The following MKI67 variants were observed in gnomAD, a reference collection of about 807,000 sequenced individuals.
The protein encoded by MKI67 is marker of proliferation Ki-67.
Under a neutral mutation model 233.5 loss-of-function variants are expected in MKI67, and 152 were observed. That is an observed-to-expected ratio of 0.65 (90% CI 0.57 to 0.74). The LOEUF (loss-of-function observed/expected upper bound fraction) is 0.74. Among genes scored for constraint, MKI67 ranks in the 30% least tolerant of loss-of-function variants. The pLI is 0.00. For synonymous variants in MKI67, 1,465 were observed against 1,418.5 expected, an observed-to-expected ratio of 1.03 and a Z score of -0.74; for missense variants, 3,940 against 3,885.2, an observed-to-expected ratio of 1.01 and a Z score of -0.37.
chr10:128,123,270 G>T, intron 2 of MKI67, 101 bp from the exon 3 acceptor site: 1 of 826,306 alleles, frequency 1.2e-6, no homozygotes. Context: ...TGTTTGATCT[G>T]TAAATATGAC....
At chr10:128,113,789 T>A (rs139681246) in intron 7 of MKI67, among the ~76,000 whole-genome samples, 187 bp from the exon 8 acceptor site, 16 of 152,070 alleles carry the variant, frequency 1.1e-4, no homozygotes, top group Non-Finnish European at 1.8e-4. Context: ...ATTGCGGGAG[T>A]GGCCACTAAG....
chr10:128,106,712 G>A lies in MKI67; in HGVS notation c.5128C>T (p.Leu1710=), dbSNP rs772350801. 1.2e-6 allele frequency: 2 copies of A among 1,614,116 alleles called. No individual in the cohort carries two copies. The highest frequency in any genetic ancestry group is 1.7e-6 in the Non-Finnish European group (2 of 1,180,026). Residue 1710 remains leucine, a synonymous_variant, in exon 13 of 15, where the codon CTG becomes TTG. Transcript: ENST00000368654. Reference sequence around the variant, plus strand: ...TGGAAGAGCTCGATGAAGCCGGCCAGGTCTTCAGGGACTTCAGACTTTCCC... The same window carrying A: ...TGGAAGAGCTCGATGAAGCCGGCCAAGTCTTCAGGGACTTCAGACTTTCCC... The part of the protein sequence containing the change: ...PKGKSEVPED[L]AGFIELFQTP...
chr10:128,106,762 C>T lies in MKI67; in HGVS notation c.5078G>A (p.Ser1693Asn). The T allele has an allele frequency of 6.2e-7, 1 of 1,614,088 alleles. No individual in the cohort carries two copies. The highest frequency in any genetic ancestry group is 8.5e-7 in the Non-Finnish European group (1 of 1,180,034). The change falls in exon 13 of 15, where the codon AGC (serine) becomes AAC (asparagine). Residue 1693 changes from serine (S) to asparagine (N), a missense_variant. Physicochemically the swap from Ser to Asn is conservative, Grantham distance 46. Transcript: ENST00000368654. ...CTTAGGAGTTCTCAGCTGCCTCTTG[C>T]TGCCAGTTAGACTTGCTGCTGAGTC... is the stretch of plus-strand genomic sequence containing the variant. ...ILDSAASLTG[S>N]KRQLRTPKGK...
Position 128,105,212 on chromosome 10 carries a change from G to T in MKI67, c.6628C>A (p.Pro2210Thr). The change falls in exon 13 of 15, where the codon CCC becomes ACC. Residue 2210 changes from proline to threonine, a missense_variant. Coordinates refer to ENST00000368654, the MANE Select transcript of MKI67 (RefSeq NM_002417.5). ...TTGGTAGTTTTCTCATGAGTCGTGG[G>T]CTTGTCAGTGCATATTGGTGTCTGG... ...LFQTPICTDK[P>T]TTHEKTTKIA... 1 of 1,613,670 alleles carries T rather than the reference G, an allele frequency of 6.2e-7. No homozygotes were observed. Among genetic ancestry groups the T allele is most frequent in the Non-Finnish European group, 8.5e-7 (1 of 1,179,908 alleles).
In MKI67 at chr10:128,107,966, C is replaced by T. The variant is rs1028073192; in HGVS notation, c.3874G>A (p.Ala1292Thr). 1.9e-6 allele frequency: 3 copies of T among 1,613,698 alleles called. No individual in the cohort carries two copies. The highest frequency in any genetic ancestry group is 2.5e-6 in the Non-Finnish European group (3 of 1,179,990). The change falls in exon 13 of 15, where the codon GCA becomes ACA. Residue 1292 changes from alanine to threonine, a missense_variant. Ala to Thr is a moderately conservative substitution (Grantham distance 58, BLOSUM62 0). Coordinates refer to ENST00000368654, the MANE Select transcript of MKI67 (RefSeq NM_002417.5). The part of the protein sequence containing the change: ...LLACRNLMPS[A>T]GKAMHTPKPS... ...TTAGGCGTGTGCATGGCTTTGCCTG[C>T]TGATGGCATTAGATTCCTGCACGCT...
chr10:128,103,613 T>G lies in MKI67; in HGVS notation c.8227A>C (p.Thr2743Pro), dbSNP rs139981632. The G allele has an allele frequency of 5.9e-4, 945 of 1,614,234 alleles. No individual in the cohort carries two copies. Among genetic ancestry groups the G allele is most frequent in the Admixed American group, 1.8e-3 (110 of 60,034 alleles). Residue 2743 changes from threonine (T) to proline (P), a missense_variant, in exon 13 of 15, where the codon ACA becomes CCA. Transcript: ENST00000368654. ...TCCGTGGTTTCCCCTGATGTTTGTG[T>G]GAACTTGACTGCTGAAGGCTCTTCT... Reference protein sequence around the residue: ...VKEEPSAVKFTQTSGETTDAD... With the variant: ...VKEEPSAVKFPQTSGETTDAD...
At position 128,105,889 on chromosome 10, in the gene MKI67, G is replaced by A. The variant is rs1157292178; in HGVS notation, c.5951C>T (p.Pro1984Leu). The A allele has an allele frequency of 1.2e-6, 2 of 1,613,812 alleles. No individual in the cohort carries two copies. Among genetic ancestry groups the A allele is most frequent in the Non-Finnish European group, 1.7e-6 (2 of 1,179,994 alleles). The change falls in exon 13 of 15, where the codon CCA (proline) becomes CTA (leucine). Residue 1984 changes from proline to leucine, a missense_variant. By Grantham distance (98) the Pro-to-Leu change is moderately conservative. Transcript: ENST00000368654. ...TGGGGTTTTGACTGGGTCTGGTTGT[G>A]GAGATTTGCAGGATACTTCTGTGAT... ...DKITEVSCKS[P>L]QPDPVKTPTS... is the part of the protein sequence containing the mutation.
Position 128,101,012 on chromosome 10 carries a change from C to A in MKI67, c.9705+246G>T, listed in dbSNP as rs139472084. Among the ~76,000 whole-genome samples the A allele has an allele frequency of 3.9e-5, 6 of 152,316 alleles. No homozygotes were observed. In the East Asian group the frequency reaches 7.7e-4, roughly 20 times the overall value. The stretch of plus-strand genomic sequence containing the variant: ...ATTAGCCACTAGACAAATTCCTTTT[C>A]TTTCTGAAGAAAGTCTTCATAACGT... On this transcript the variant is annotated intron_variant, in intron 14 of 14. Coordinates refer to ENST00000368654, the MANE Select transcript of MKI67 (RefSeq NM_002417.5).
At chr10:128,118,571 A>G (rs775343534) in intron 5 of MKI67, among the ~76,000 whole-genome samples, 1 of 152,154 alleles carries the variant, frequency 6.6e-6, no homozygotes, top group East Asian at 1.9e-4. Flanking sequence ...GGCTCATCCT[A>G]AGCCTAAATC....
At chr10:128,111,448 C>A in intron 11 of MKI67, 197 bp downstream of exon 11, 1 of 541,420 alleles carries the variant, frequency 1.8e-6, no homozygotes, top group Non-Finnish European at 3.2e-6. Flanking sequence ...CATGTGATCC[C>A]AAAAATTAGC....
intron 14 of MKI67, 143 bp from the exon 15 acceptor site, chr10:128,099,398 AG>A: frequency 2.1e-6 from 1 of 487,726 alleles, no homozygotes; most frequent in Non-Finnish European, 3.5e-6. Context: ...GTTGGAAATA[AG>A]TTTTAAAATA....
Position 128,115,311 on chromosome 10 carries a change from AG to A in MKI67, c.1096del (p.Leu366CysfsTer10). The A allele has an allele frequency of 6.2e-7, 1 of 1,614,028 alleles. No homozygotes were observed. The highest frequency in any genetic ancestry group is 1.1e-5 in the South Asian group (1 of 91,078). ...AGATTCTCTTCTACCAGTAGTATAC[AG>A]GTCTTTGTTCTTATGTTTTTGTGGA... ...NSPQKHKNKD[L>X]YTTGRRESVN... On this transcript the variant is annotated frameshift_variant, in exon 7 of 15. Transcript: ENST00000368654. LOFTEE classifies it high-confidence loss of function.
intron 2 of MKI67, among the ~76,000 whole-genome samples, chr10:128,124,299 G>A (rs1207799145): frequency 2.0e-5 from 3 of 152,230 alleles, no homozygotes; most frequent in Non-Finnish European, 4.4e-5. Flanking sequence ...AATTTGTTTG[G>A]CAGGAGGACG....
chr10:128,113,537 G>A lies in MKI67; in HGVS notation c.1546C>T (p.Leu516=), dbSNP rs1305378311. 6.2e-7 allele frequency: 1 copy of A among 1,614,138 alleles called. No homozygotes were observed. Among genetic ancestry groups the A allele is most frequent in the Non-Finnish European group, 8.5e-7 (1 of 1,180,004 alleles). ...TTAGGAGGCAAGTTTTCATCAAATA[G>A]TTCAGGTCTTAGGTGCCCACCAAAG... The part of the protein sequence containing the change: ...VSFGGHLRPE[L]FDENLPPNTP... Residue 516 remains leucine, a synonymous_variant, in exon 8 of 15, where the codon CTA becomes TTA. Coordinates refer to ENST00000368654, the MANE Select transcript of MKI67 (RefSeq NM_002417.5).
At chr10:128,102,094 T>C (rs1194112179) in intron 13 of MKI67, among the ~76,000 whole-genome samples, 1 of 152,260 alleles carries the variant, frequency 6.6e-6, no homozygotes, top group Non-Finnish European at 1.5e-5. Context: ...TTGCCATTTC[T>C]GGAGTTTCCC....
At chr10:128,116,957 C>T (rs951263889) in intron 5 of MKI67, among the ~76,000 whole-genome samples, 2 of 152,112 alleles carry the variant, frequency 1.3e-5, no homozygotes, top group Admixed American at 6.6e-5. Flanking sequence ...CCAAACCACT[C>T]GTATATGACT....
In MKI67 at chr10:128,104,461, G is replaced by T; in HGVS notation, c.7379C>A (p.Thr2460Lys). The change falls in exon 13 of 15, where the codon ACA (threonine) becomes AAA (lysine). Residue 2460 changes from threonine to lysine, a missense_variant. Coordinates refer to ENST00000368654, the MANE Select transcript of MKI67 (RefSeq NM_002417.5). ...TEESMTDDKITEVSCKSPQPE... is the reference protein window; with the variant it reads ...TEESMTDDKIKEVSCKSPQPE... The stretch of plus-strand genomic sequence containing the variant: ...CTGTGGAGATTTACAGGATACTTCT[G>T]TGATTTTGTCATCAGTCATTGATTC... 6.2e-7 allele frequency: 1 copy of T among 1,614,038 alleles called. No homozygotes were observed. Among genetic ancestry groups the T allele is most frequent in the South Asian group, 1.1e-5 (1 of 91,072 alleles).
At chr10:128,110,585 C>A (rs778040804) in intron 11 of MKI67, 52 bp from the exon 12 acceptor site, 3 of 1,412,662 alleles carry the variant, frequency 2.1e-6, no homozygotes, top group Non-Finnish European at 2.9e-6. Flanking sequence ...AACATGCAGA[C>A]AACCATCCCA....
chr10:128,118,196 G>C (rs1043821854), intron 5 of MKI67, among the ~76,000 whole-genome samples: 1 of 152,150 alleles, frequency 6.6e-6, no homozygotes. Context: ...AGGAGTTCAA[G>C]ACCAGCCTGG....
Sources: allele counts gnomAD v4.1 joint callset (sites outside exome capture counted in the v4.1 genomes callset), GRCh38; gene constraint gnomAD v4.1.1; transcripts MANE v1.5; gene names NCBI Gene and HGNC (gene_info 2026-07-23, HGNC 2026-07-21).